STAC: variants seen among roughly 807,000 people sequenced by gnomAD.
STAC encodes SH3 and cysteine-rich domain-containing protein.
Under a neutral mutation model 48.8 loss-of-function variants are expected in STAC, and 43 were observed. The observed-to-expected ratio is 0.88, with a 90% confidence interval of 0.69 to 1.14. The LOEUF (loss-of-function observed/expected upper bound fraction) is 1.14, where lower values mean the gene tolerates loss of function less well. STAC is among the 50% of genes most tolerant of loss of function. The pLI, the probability that STAC is intolerant of heterozygous loss-of-function variation, is 0.00. For synonymous variants in STAC, 193 were observed against 179.5 expected (o/e 1.07, Z -0.60); for missense variants, 497 against 504.0 (o/e 0.99, Z 0.13).
At chr3:36,432,600 G>A (rs1426919957) in intron 1 of STAC, among the ~76,000 whole-genome samples, 2 of 152,066 alleles carry the variant, frequency 1.3e-5, no homozygotes, top group African/African-American at 4.8e-5. Context: ...TACTCGGGAG[G>A]CCGAGGCAGG....
intron 5 of STAC, among the ~76,000 whole-genome samples, chr3:36,491,728 G>A (rs1436386660): frequency 1.3e-5 from 2 of 151,728 alleles, no homozygotes; most frequent in African/African-American, 4.8e-5. Flanking sequence ...AAATATGACT[G>A]TCAGGCCAGG....
chr3:36,522,081 G>C (rs1015854471), intron 8 of STAC, among the ~76,000 whole-genome samples: 6 of 151,662 alleles, frequency 4.0e-5, no homozygotes, highest in Non-Finnish European at 8.8e-5. Flanking sequence ...GAGTGAGACT[G>C]TCTTTAAAAA....
chr3:36,486,268 C>T lies in STAC; in HGVS notation c.687+19C>T. 1 of 1,606,870 alleles carries T rather than the reference C, an allele frequency of 6.2e-7. No individual in the cohort carries two copies. Among genetic ancestry groups the T allele is most frequent in the Non-Finnish European group, 8.5e-7 (1 of 1,175,056 alleles). On this transcript the variant is annotated intron_variant, in intron 5 of 10. Transcript: ENST00000273183. ...AACCTCTGTAATTATCCTCTTCCTTCCTCGGTTTGTCTGTGGTGGTCTTGG... is the reference window on the plus strand; with the variant it reads ...AACCTCTGTAATTATCCTCTTCCTTTCTCGGTTTGTCTGTGGTGGTCTTGG...
At chr3:36,528,242 G>A (rs1003921330) in intron 8 of STAC, among the ~76,000 whole-genome samples, 6 of 152,068 alleles carry the variant, frequency 3.9e-5, no homozygotes, top group Admixed American at 2.6e-4. Context: ...AAGCCGAGGC[G>A]GGCAGATCGT....
intron 1 of STAC, among the ~76,000 whole-genome samples, chr3:36,394,889 A>AG (rs1699825351): frequency 6.6e-6 from 1 of 152,026 alleles, no homozygotes; most frequent in Non-Finnish European, 1.5e-5. Flanking sequence ...TCAAAAAAAA[A>AG]AAAGGAATAT....
intron 1 of STAC, among the ~76,000 whole-genome samples, chr3:36,392,278 T>G (rs1699766130): frequency 6.6e-6 from 1 of 152,192 alleles, no homozygotes; most frequent in Non-Finnish European, 1.5e-5. Flanking sequence ...TAGCAAAATC[T>G]TCTTTATCCT....
At chr3:36,429,574 G>C (rs1360339997) in intron 1 of STAC, among the ~76,000 whole-genome samples, 1 of 152,092 alleles carries the variant, frequency 6.6e-6, no homozygotes, top group Non-Finnish European at 1.5e-5. Flanking sequence ...GCATGTCCCT[G>C]GGCCACCTCA....
intron 2 of STAC, among the ~76,000 whole-genome samples, chr3:36,456,315 C>G (rs999608749): frequency 6.6e-6 from 1 of 152,134 alleles, no homozygotes; most frequent in Non-Finnish European, 1.5e-5. Flanking sequence ...ATCACTTTGC[C>G]TGATGTTATC....
chr3:36,541,847 C>G (rs1699335250), intron 10 of STAC, among the ~76,000 whole-genome samples: 1 of 152,154 alleles, frequency 6.6e-6, no homozygotes. Context: ...TCTGCATATG[C>G]TGCACTTACC....
intron 2 of STAC, among the ~76,000 whole-genome samples, chr3:36,481,167 A>T (rs1363585103): frequency 6.6e-6 from 1 of 152,056 alleles, no homozygotes; most frequent in East Asian, 1.9e-4. Context: ...GAGCTGAGGA[A>T]TTAAAGAGCT....
chr3:36,418,617 G>A (rs1332928761), intron 1 of STAC, among the ~76,000 whole-genome samples: 3 of 133,718 alleles, frequency 2.2e-5, no homozygotes, highest in Admixed American at 7.5e-5. Flanking sequence ...TAATACTCTC[G>A]ATTAAATCAA....
intron 2 of STAC, among the ~76,000 whole-genome samples, chr3:36,452,931 C>G (rs1244120516): frequency 6.6e-6 from 1 of 152,224 alleles, no homozygotes; most frequent in African/African-American, 2.4e-5. Flanking sequence ...AACAAGCCTT[C>G]TGGTGCTCTC....
intron 2 of STAC, among the ~76,000 whole-genome samples, chr3:36,466,444 G>C (rs919686021): frequency 4.6e-5 from 7 of 152,192 alleles, no homozygotes; most frequent in Middle Eastern, 6.8e-3. Context: ...GAAGAATGGT[G>C]TTGGTATTTT....
intron 1 of STAC, among the ~76,000 whole-genome samples, chr3:36,408,425 C>T (rs887592808): frequency 1.3e-5 from 2 of 152,208 alleles, no homozygotes; most frequent in African/African-American, 2.4e-5. Context: ...CCCAAAGCCA[C>T]TTATTCCTCT....
rs149629809 is a variant in STAC at position 36,480,522 on chromosome 3, C to A, written c.389-2470C>A. Among the ~76,000 whole-genome samples, 101 of 152,204 alleles carry A rather than the reference C, an allele frequency of 6.6e-4. 1 individual carries two copies. In the East Asian group the frequency reaches 0.02, roughly 29 times the overall value. On this transcript the variant is annotated intron_variant, in intron 2 of 10. Transcript: ENST00000273183. ...AGGTTGCATGCCAGGTTCTTACCCC[C>A]CCTTATTTTATCATCCAGTTAGCCC...
chr3:36,380,743 C>G lies in STAC; in HGVS notation c.100C>G (p.Gln34Glu), dbSNP rs1221489054. The change falls in exon 1 of 11, where the codon CAG (glutamine) becomes GAG (glutamate). Residue 34 changes from glutamine (Q) to glutamate (E), a missense_variant. Coordinates refer to ENST00000273183, the MANE Select transcript of STAC (RefSeq NM_003149.3). Reference protein sequence around the residue: ...QPPSPASTSSQESKLQKLKRS... With the variant: ...QPPSPASTSSEESKLQKLKRS... ...GCCCTCTCCTGCATCCACCAGCAGC[C>G]AGGAATCCAAGGTACCGAGCACGCT... The G allele has an allele frequency of 6.2e-7, 1 of 1,611,126 alleles. No homozygotes were observed. Among genetic ancestry groups the G allele is most frequent in the African/African-American group, 1.3e-5 (1 of 74,968 alleles).
At chr3:36,436,145 A>G (rs571541288) in intron 1 of STAC, among the ~76,000 whole-genome samples, 36 of 152,232 alleles carry the variant, frequency 2.4e-4, no homozygotes, top group Non-Finnish European at 3.4e-4. Flanking sequence ...TGGCAGTGCC[A>G]CTTGAATTCC....
intron 2 of STAC, among the ~76,000 whole-genome samples, chr3:36,461,773 A>G (rs1315308590): frequency 6.6e-6 from 1 of 152,166 alleles, no homozygotes; most frequent in African/African-American, 2.4e-5. Flanking sequence ...CTCAAAGCAG[A>G]GCATACTTGG....
chr3:36,507,178 C>T (rs1698424443), intron 8 of STAC, among the ~76,000 whole-genome samples: 1 of 152,148 alleles, frequency 6.6e-6, no homozygotes, highest in Admixed American at 6.5e-5. Context: ...TTGAGACAAT[C>T]ATGTGGTTTT....
Sources: gnomAD v4.1 joint callset for allele counts (sites outside exome capture counted in the v4.1 genomes callset) on GRCh38, gnomAD v4.1.1 for gene constraint, MANE v1.5 for transcripts, NCBI Gene and HGNC (gene_info 2026-07-23, HGNC 2026-07-21) for gene names.